Variants in ARL15 observed in about 807,000 individuals in gnomAD.
The protein encoded by ARL15 is ARF like GTPase 15.
ARL15 carries 19 observed loss-of-function variants against 25.2 expected under a neutral mutation model. The ratio of observed to expected loss-of-function variants is 0.75; its 90% CI spans 0.53 to 1.10. The LOEUF (loss-of-function observed/expected upper bound fraction) is 1.10, where lower values mean the gene tolerates loss of function less well. ARL15 is among the 50% of genes least tolerant of loss of function. The pLI is 0.00. For missense variants in ARL15, 220 were observed against 246.0 expected (o/e 0.89, Z 0.71); for synonymous variants, 94 against 86.8 (o/e 1.08, Z -0.46).
intron 1 of ARL15, among the ~76,000 whole-genome samples, chr5:54,223,831 T>C (rs26770): frequency 0.51 from 77,949 of 151,866 alleles, 20,470 homozygotes; most frequent in Middle Eastern, 0.69. Flanking sequence ...ATACTGAGAA[T>C]AAATGGCAAT....
At chr5:54,119,376 C>T (rs574478335) in intron 3 of ARL15, among the ~76,000 whole-genome samples, 1 of 152,056 alleles carries the variant, frequency 6.6e-6, no homozygotes, top group African/African-American at 2.4e-5. Flanking sequence ...AAGACCCTTG[C>T]CAGATGAGAC....
At chr5:54,072,110 C>G (rs1288885986) in intron 4 of ARL15, among the ~76,000 whole-genome samples, 1 of 152,106 alleles carries the variant, frequency 6.6e-6, no homozygotes, top group Non-Finnish European at 1.5e-5. Flanking sequence ...GACATTTGCA[C>G]TGACACTGGG....
chr5:54,000,664 A>G (rs1373304570), intron 4 of ARL15, among the ~76,000 whole-genome samples: 1 of 152,172 alleles, frequency 6.6e-6, no homozygotes, highest in African/African-American at 2.4e-5. Flanking sequence ...TGAGTTTTTC[A>G]TACCCTAGTC....
intron 3 of ARL15, among the ~76,000 whole-genome samples, chr5:54,114,403 C>CAATAAAAAAAAA (rs1326500976): frequency 2.7e-4 from 1 of 3,686 alleles, no homozygotes; most frequent in South Asian, 8.3e-3. Flanking sequence ...GGCTCCATCT[C>CAATAAAAAAAAA]AAGAAAAAAA....
At chr5:54,046,739 A>G (rs1190317729) in intron 4 of ARL15, among the ~76,000 whole-genome samples, 2 of 152,144 alleles carry the variant, frequency 1.3e-5, no homozygotes, top group Non-Finnish European at 2.9e-5. Flanking sequence ...TTTTTAAAGA[A>G]ATGGCTAAAT....
At chr5:54,310,376 G>A in intron 1 of ARL15, 56 bp downstream of exon 1, 6 of 1,564,824 alleles carry the variant, frequency 3.8e-6, no homozygotes, top group Non-Finnish European at 4.3e-6. Flanking sequence ...AAGGCAGGGG[G>A]CCATCGGGCA....
chr5:54,100,001 C>CG (rs368508120), intron 4 of ARL15, among the ~76,000 whole-genome samples: 19 of 151,938 alleles, frequency 1.3e-4, no homozygotes, highest in African/African-American at 4.3e-4. Context: ...ATCCTGTGAC[C>CG]CCCCCGTAAC....
At chr5:54,234,131 G>A (rs1166436487) in intron 1 of ARL15, among the ~76,000 whole-genome samples, 1 of 152,080 alleles carries the variant, frequency 6.6e-6, no homozygotes. Context: ...AAGTAGCTGG[G>A]ATTATAGGCG....
chr5:53,910,666 TATATATAA>T (rs1379032952), intron 4 of ARL15, among the ~76,000 whole-genome samples: 2 of 126,878 alleles, frequency 1.6e-5, no homozygotes, highest in African/African-American at 5.7e-5. Flanking sequence ...TATATATATA[TATATATAA>T]AGAAAACGTC....
At chr5:54,254,156 C>T (rs922048286) in intron 1 of ARL15, among the ~76,000 whole-genome samples, 1 of 152,194 alleles carries the variant, frequency 6.6e-6, no homozygotes, top group African/African-American at 2.4e-5. Context: ...CCGTGGATCA[C>T]TGATTCTCTG....
rs114929355 is a variant in ARL15, at chr5:54,083,156, C to T, written c.462+30046G>A. Among the ~76,000 whole-genome samples, 1,404 of 152,284 alleles carry T rather than the reference C, an allele frequency of 9.2e-3. 29 individuals carry two copies. The highest frequency in any genetic ancestry group is 0.033 in the African/African-American group (1,363 of 41,548). ...TTTACCAAGGAAGAAATAACCATGA[C>T]GTCTTTCTACTGTCTAGAGAACAAA... On this transcript the variant is annotated intron_variant, in intron 4 of 4. Coordinates refer to ENST00000504924, the MANE Select transcript of ARL15 (RefSeq NM_019087.3).
intron 4 of ARL15, among the ~76,000 whole-genome samples, chr5:53,962,869 A>T (rs111771039): frequency 2.0e-5 from 3 of 151,384 alleles, no homozygotes; most frequent in Non-Finnish European, 4.4e-5. Flanking sequence ...TTTTATTTTT[A>T]TTTTTTTTTA....
intron 1 of ARL15, among the ~76,000 whole-genome samples, chr5:54,279,123 C>T (rs961579219): frequency 3.9e-5 from 6 of 152,278 alleles, no homozygotes; most frequent in Admixed American, 6.5e-5. Context: ...CAAAAGCTAA[C>T]CCATAATCTT....
chr5:54,309,793 C>T (rs180885158), intron 1 of ARL15, among the ~76,000 whole-genome samples: 60 of 152,348 alleles, frequency 3.9e-4, no homozygotes, highest in African/African-American at 1.4e-3. Context: ...GCCTAAACAG[C>T]CGGGTTCCAA....
intron 1 of ARL15, among the ~76,000 whole-genome samples, chr5:54,299,366 G>A (rs1468829048): frequency 1.3e-5 from 2 of 152,146 alleles, no homozygotes; most frequent in Non-Finnish European, 2.9e-5. Context: ...CTAAGTGGTT[G>A]CAAATGTGAG....
chr5:54,078,858 C>T (rs529361301), intron 4 of ARL15, among the ~76,000 whole-genome samples: 2 of 152,080 alleles, frequency 1.3e-5, no homozygotes, highest in Non-Finnish European at 1.5e-5. Flanking sequence ...AATTTTATTA[C>T]AATTAAGTGC....
chr5:54,157,072 A>C (rs978861370), intron 2 of ARL15, among the ~76,000 whole-genome samples: 3 of 152,248 alleles, frequency 2.0e-5, no homozygotes, highest in African/African-American at 7.2e-5. Context: ...TAAGCAGTCT[A>C]TTAGTGGTTA....
At chr5:53,963,698 C>A (rs1272315349) in intron 4 of ARL15, among the ~76,000 whole-genome samples, 1 of 151,910 alleles carries the variant, frequency 6.6e-6, no homozygotes, top group Non-Finnish European at 1.5e-5. Flanking sequence ...ATCCCAGCTT[C>A]TCGGGAGGCT....
intron 4 of ARL15, among the ~76,000 whole-genome samples, chr5:54,093,691 TA>T (rs11450435): frequency 0.013 from 1,907 of 142,480 alleles, 17 homozygotes; most frequent in African/African-American, 0.026. Context: ...CATTTAAAGT[TA>T]AAAAAAAAAA....
Sources: gnomAD v4.1 joint callset for allele counts (sites outside exome capture counted in the v4.1 genomes callset) on GRCh38, gnomAD v4.1.1 for gene constraint, MANE v1.5 for transcripts, NCBI Gene and HGNC (gene_info 2026-07-23, HGNC 2026-07-21) for gene names.